The following CMTM4 variants were observed in gnomAD, a reference collection of about 807,000 sequenced individuals.
The protein encoded by CMTM4 is CKLF-like MARVEL transmembrane domain-containing protein 4.
A neutral mutation model predicts 19.0 loss-of-function variants in CMTM4; 8 were observed. That is an observed-to-expected ratio of 0.42 (90% confidence interval 0.25 to 0.76). CMTM4 has a LOEUF of 0.76. Ranked by LOEUF, CMTM4 falls within the 30% of genes least tolerant of loss-of-function variation. The pLI is 0.27. For synonymous variants in CMTM4, 106 were observed against 121.1 expected, an observed-to-expected ratio of 0.88 and a Z score of 0.82; for missense variants, 228 against 290.2, an observed-to-expected ratio of 0.79 and a Z score of 1.56.
chr16:66,604,698 C>T, the CMTM4 span: 3 of 882,108 alleles, frequency 3.4e-6, no homozygotes, highest in Admixed American at 9.1e-5. Context: ...CGCCCCTGCG[C>T]GAGCCAGTGT....
At chr16:66,672,358 T>C (rs2016724258) in intron 1 of CMTM4, among the ~76,000 whole-genome samples, 3 of 147,176 alleles carry the variant, frequency 2.0e-5, no homozygotes, top group Non-Finnish European at 4.5e-5. Flanking sequence ...TAAGCCGAGA[T>C]TGAGCCACTG....
the CMTM4 span, chr16:66,605,104 C>A: frequency 2.6e-6 from 2 of 769,714 alleles, no homozygotes; most frequent in Non-Finnish European, 3.6e-6. This position sits in a 1 kb window ranked among gnomAD's most constrained non-coding sequence, Gnocchi z 4.6. Context: ...GGGCGCCTGG[C>A]GAAGTTGGGT....
At chr16:66,664,652 TA>T (rs60883047) in intron 1 of CMTM4, among the ~76,000 whole-genome samples, 7,809 of 147,902 alleles carry the variant, frequency 0.053, 374 homozygotes, top group East Asian at 0.17. Context: ...ACCAAACACT[TA>T]AAAAAAAAAC....
chr16:66,671,032 G>C (rs1010246291), intron 1 of CMTM4, among the ~76,000 whole-genome samples: 1 of 152,008 alleles, frequency 6.6e-6, no homozygotes, highest in African/African-American at 2.4e-5. Flanking sequence ...TAAAACAAGG[G>C]ACACAAATTT....
rs1451338374 is a variant in CMTM4 at position 66,621,208 on chromosome 16, A to G, written c.*850T>C. The G allele has an allele frequency of 2.0e-6, 2 of 984,710 alleles. No homozygotes were observed. The highest frequency in any genetic ancestry group is 2.4e-6 in the Non-Finnish European group (2 of 829,652). 61.0% of individuals were successfully genotyped at this position (984,710 alleles called of 1,614,324 possible). ...CTGTTTTTTAACACAAACACCTCCC[A>G]CCTGCGGTTCATGAAGCCAGCAAAT... On this transcript the variant is annotated 3_prime_UTR_variant, in exon 4 of 4. Transcript: ENST00000394106.
intron 1 of CMTM4, among the ~76,000 whole-genome samples, chr16:66,685,045 C>G (rs1429780677): frequency 1.3e-5 from 2 of 152,170 alleles, no homozygotes; most frequent in East Asian, 3.9e-4. Context: ...ATAAAAATAT[C>G]AGGGTATATT....
intron 1 of CMTM4, among the ~76,000 whole-genome samples, chr16:66,692,343 G>A (rs911060763): frequency 2.0e-5 from 3 of 152,170 alleles, no homozygotes; most frequent in Non-Finnish European, 4.4e-5. Flanking sequence ...AGCCACCTCG[G>A]ACTCCCAAAG....
chr16:66,669,441 A>G (rs926271265), intron 1 of CMTM4, among the ~76,000 whole-genome samples: 3 of 152,010 alleles, frequency 2.0e-5, no homozygotes, highest in Admixed American at 6.6e-5. Flanking sequence ...TGTACACCAA[A>G]AAAAGTCAAT....
the CMTM4 span, chr16:66,608,616 T>A: frequency 1.4e-6 from 1 of 737,464 alleles, no homozygotes; most frequent in Non-Finnish European, 2.2e-6. This position sits in a 1 kb window ranked among gnomAD's most constrained non-coding sequence, Gnocchi z 5.1. Context: ...CTTCAGATCA[T>A]CCCAGCTCCA....
chr16:66,604,704 A>G, the CMTM4 span: 178 of 908,522 alleles, frequency 2.0e-4, no homozygotes, highest in Admixed American at 2.7e-4. Context: ...TGCGCGAGCC[A>G]GTGTCGCCTG....
intron 1 of CMTM4, among the ~76,000 whole-genome samples, chr16:66,664,233 CAAA>C (rs748462311): frequency 4.6e-5 from 3 of 64,930 alleles, no homozygotes; most frequent in African/African-American, 6.0e-5. Context: ...GACTCCGTCT[CAAA>C]AAAAAAAAAA....
At chr16:66,612,785 G>T, downstream of CMTM4, 1 of 763,662 alleles carries the variant, frequency 1.3e-6, no homozygotes, top group Non-Finnish European at 2.1e-6. This position sits in a 1 kb window ranked among gnomAD's most constrained non-coding sequence, Gnocchi z 6.0. Context: ...CTCAGGTTCT[G>T]CCTGAGCCCA....
In CMTM4 at chr16:66,642,839, G is replaced by A. The variant is rs563081503; in HGVS notation, c.187-6258C>T. On this transcript the variant is annotated intron_variant, in intron 1 of 3. Coordinates refer to ENST00000394106, the MANE Select transcript of CMTM4 (RefSeq NM_181521.3). ...GGAAGAGAAGGAAAGAGAGAGGACT[G>A]GCTGATGAAGTTACCATAATAGTCA... 8.1e-4 allele frequency among the ~76,000 whole-genome samples: 123 copies of A among 152,292 alleles called. 1 individual carries two copies. Among genetic ancestry groups the A allele is most frequent in the Admixed American group, 2.2e-3 (33 of 15,292 alleles).
intron 2 of CMTM4, among the ~76,000 whole-genome samples, chr16:66,631,180 C>T (rs1176326248): frequency 1.3e-5 from 2 of 149,878 alleles, no homozygotes; most frequent in African/African-American, 2.5e-5. Flanking sequence ...GGTCAGCCCC[C>T]GCCCGGCCAG....
chr16:66,613,283 A>G (rs2015453259), downstream of CMTM4: 1 of 626,514 alleles, frequency 1.6e-6, no homozygotes, highest in Non-Finnish European at 2.9e-6. Context: ...TGAGATGACC[A>G]TTCTGGGTCT....
At chr16:66,642,323 T>C (rs2016110330) in intron 1 of CMTM4, among the ~76,000 whole-genome samples, 1 of 152,200 alleles carries the variant, frequency 6.6e-6, no homozygotes. Flanking sequence ...AAGAAAAAAC[T>C]TTTTTGTTTA....
intron 1 of CMTM4, among the ~76,000 whole-genome samples, chr16:66,681,051 G>A (rs995646427): frequency 3.3e-5 from 5 of 152,026 alleles, no homozygotes; most frequent in Admixed American, 1.3e-4. Flanking sequence ...ATTTTAAAAC[G>A]TAAAAAAGTA....
At chr16:66,662,094 C>T (rs1356587204) in intron 1 of CMTM4, among the ~76,000 whole-genome samples, 1 of 152,080 alleles carries the variant, frequency 6.6e-6, no homozygotes, top group East Asian at 1.9e-4. Flanking sequence ...TAAAAACAGA[C>T]AACAAAAACA....
chr16:66,614,899 AC>A lies in CMTM4; in HGVS notation c.*7158del, dbSNP rs1349241627. The A allele has an allele frequency of 1.3e-5, 2 of 152,232 alleles. No individual in the cohort carries two copies. The highest frequency in any genetic ancestry group is 2.9e-5 in the Non-Finnish European group (2 of 68,042). The allele number at this position is 152,232 out of a possible 1,614,324, so 9.4% of individuals were successfully genotyped here. ...AAGATCAAGACAAGTACCATGAAAA[AC>A]TGGTCCTTCAAATGAAAGGGGGAAA... On this transcript the variant is annotated 3_prime_UTR_variant, in exon 4 of 4. Transcript: ENST00000394106. This position sits in a 1 kb window ranked among gnomAD's most constrained non-coding sequence, Gnocchi z 4.9.
Sources: allele counts gnomAD v4.1 joint callset (sites outside exome capture counted in the v4.1 genomes callset), GRCh38; gene constraint gnomAD v4.1.1; non-coding constraint Gnocchi (gnomAD v3.1); transcripts MANE v1.5; gene names NCBI Gene and HGNC (gene_info 2026-07-23, HGNC 2026-07-21).